The following RIPOR3 variants were observed in gnomAD, a reference collection of about 807,000 sequenced individuals.
RIPOR3 encodes the protein family with sequence similarity 65 member C.
RIPOR3 carries 95 observed loss-of-function variants against 114.3 expected under a neutral mutation model. The observed-to-expected ratio is 0.83, with a 90% CI of 0.70 to 0.99. The LOEUF is 0.99. RIPOR3 is among the 50% of genes least tolerant of loss of function. The pLI is 0.00. For missense variants in RIPOR3, 1,252 were observed against 1,266.9 expected, an observed-to-expected ratio of 0.99 and a Z score of 0.18; for synonymous variants, 575 against 543.8, an observed-to-expected ratio of 1.06 and a Z score of -0.80.
intron 1 of RIPOR3, among the ~76,000 whole-genome samples, chr20:50,671,423 C>T (rs956485706): frequency 0.018 from 358 of 20,112 alleles, 3 homozygotes; most frequent in African/African-American, 0.03. Context: ...CGTGCACGCG[C>T]GCGCGCACAC....
intron 1 of RIPOR3, among the ~76,000 whole-genome samples, chr20:50,639,465 C>T (rs11907655): frequency 1.3e-5 from 2 of 152,096 alleles, no homozygotes; most frequent in Non-Finnish European, 2.9e-5. Flanking sequence ...CACAGCTCCC[C>T]GGGGGCAGGG....
At chr20:50,619,920 AAG>A in intron 3 of RIPOR3, 64 bp downstream of exon 3, 1 of 1,557,226 alleles carries the variant, frequency 6.4e-7, no homozygotes, top group Non-Finnish European at 8.8e-7. Flanking sequence ...CTTCCCCAGG[AAG>A]AGACAGAGAG....
intron 1 of RIPOR3, among the ~76,000 whole-genome samples, chr20:50,689,519 C>T (rs779094360): frequency 5.3e-5 from 8 of 152,282 alleles, no homozygotes; most frequent in East Asian, 1.9e-4. Context: ...TACTCTCAGA[C>T]GCTTAAGTTC....
At chr20:50,673,889 C>T (rs2086604169) in intron 1 of RIPOR3, among the ~76,000 whole-genome samples, 1 of 152,154 alleles carries the variant, frequency 6.6e-6, no homozygotes, top group African/African-American at 2.4e-5. Context: ...ATAAATCACA[C>T]CTTCATGAAC....
chr20:50,620,709 G>A, intron 2 of RIPOR3: 1 of 337,938 alleles, frequency 3.0e-6, no homozygotes. Context: ...AGGATTAAAA[G>A]AAGAGTAATA....
intron 2 of RIPOR3, among the ~76,000 whole-genome samples, chr20:50,624,522 G>T (rs1053957408): frequency 6.6e-6 from 1 of 152,220 alleles, no homozygotes; most frequent in African/African-American, 2.4e-5. Context: ...CTCCTTGTGT[G>T]AGGTTTAACA....
At position 50,592,499 on chromosome 20, in the gene RIPOR3, G is replaced by A. The variant is rs771441200; in HGVS notation, c.2422C>T (p.Arg808Trp). Residue 808 changes from arginine (R) to tryptophan (W), a missense_variant, in exon 19 of 22, where the codon CGG (arginine) becomes TGG (tryptophan). Physicochemically the swap from Arg to Trp is moderately radical, Grantham distance 101 (BLOSUM62 -3). Transcript: ENST00000327979. ...CCCAGCCGCTTCCCCTGCAGCTTCCGGACCACCTTGGCCTGTCCCGCACAG... is the reference window on the plus strand; with the variant it reads ...CCCAGCCGCTTCCCCTGCAGCTTCCAGACCACCTTGGCCTGTCCCGCACAG... ...LHCAGQAKVV[R>W]KLQGKRLGQL... 7.5e-6 allele frequency: 12 copies of A among 1,610,228 alleles called. No homozygotes were observed. Among genetic ancestry groups the A allele is most frequent in the Admixed American group, 3.3e-5 (2 of 59,802 alleles).
intron 1 of RIPOR3, among the ~76,000 whole-genome samples, chr20:50,648,331 TAAA>T (rs60117235): frequency 7.3e-6 from 1 of 136,700 alleles, no homozygotes; most frequent in African/African-American, 2.7e-5. Flanking sequence ...GGGGCTGCTG[TAAA>T]AAAAAAAAAA....
rs1346058616 is a variant in RIPOR3 at position 50,609,087 on chromosome 20, C to T, written c.641-132G>A. 6 of 1,361,610 alleles carry T rather than the reference C, an allele frequency of 4.4e-6. No homozygotes were observed. The African/African-American group carries it at 5.8e-5, about 13-fold the overall frequency. 84.3% of individuals were successfully genotyped at this position (1,361,610 alleles called of 1,614,324 possible). A position where few individuals can be genotyped will look rare whatever the true frequency, so the allele number is the denominator to read the frequency against. On this transcript the variant is annotated intron_variant, in intron 8 of 21. Coordinates refer to ENST00000327979, the MANE Select transcript of RIPOR3 (RefSeq NM_001290268.2). ...GGGTGAGGATGGGGGGGAGGTACAC[C>T]ATCATGATGGAAAATGGACAGAGGG... is the stretch of plus-strand genomic sequence containing the variant.
At chr20:50,633,164 A>G (rs1382443834) in intron 1 of RIPOR3, among the ~76,000 whole-genome samples, 1 of 152,228 alleles carries the variant, frequency 6.6e-6, no homozygotes, top group Non-Finnish European at 1.5e-5. Flanking sequence ...CGGGAGGCTG[A>G]GGCAGGAGAA....
At chr20:50,617,868 T>C (rs535618778) in intron 3 of RIPOR3, among the ~76,000 whole-genome samples, 28 of 151,124 alleles carry the variant, frequency 1.9e-4, no homozygotes, top group African/African-American at 6.8e-4. Context: ...GTGATCCGCC[T>C]GCCTCCGCCT....
intron 14 of RIPOR3, 149 bp downstream of exon 14, chr20:50,597,431 G>A: frequency 9.5e-6 from 11 of 1,158,184 alleles, no homozygotes; most frequent in Non-Finnish European, 1.3e-5. Context: ...GTGCGGGGAT[G>A]GCATGGGGAA....
chr20:50,671,781 CGAAGGGATGGATGGAT>C (rs1234132071), intron 1 of RIPOR3, among the ~76,000 whole-genome samples: 4 of 144,834 alleles, frequency 2.8e-5, no homozygotes, highest in Non-Finnish European at 6.0e-5. Context: ...AATGGGTGGG[CGAAGGGATGGATGGAT>C]GGATGGATGG....
intron 1 of RIPOR3, among the ~76,000 whole-genome samples, chr20:50,639,114 T>C (rs1171372269): frequency 6.6e-6 from 1 of 152,000 alleles, no homozygotes; most frequent in Non-Finnish European, 1.5e-5. Context: ...TCGTGGTGCA[T>C]GCCTGTAATC....
intron 4 of RIPOR3, among the ~76,000 whole-genome samples, chr20:50,613,462 G>T (rs1218342469): frequency 6.6e-6 from 1 of 150,444 alleles, no homozygotes; most frequent in Non-Finnish European, 1.5e-5. Context: ...CGAAAAAAAA[G>T]AAAAGAAAAG....
chr20:50,611,050 G>T, intron 5 of RIPOR3, 131 bp downstream of exon 5: 1 of 1,541,588 alleles, frequency 6.5e-7, no homozygotes, highest in Non-Finnish European at 8.9e-7. Flanking sequence ...CAGAGACTCA[G>T]CCTTCCCATT....
At chr20:50,616,229 G>A in intron 3 of RIPOR3, 149 bp from the exon 4 acceptor site, 1 of 711,226 alleles carries the variant, frequency 1.4e-6, no homozygotes, top group Non-Finnish European at 2.4e-6. Flanking sequence ...CCCTCACACT[G>A]GGGGCTGTGT....
At chr20:50,592,947 G>T in intron 18 of RIPOR3, 88 bp downstream of exon 18, 1 of 1,495,754 alleles carries the variant, frequency 6.7e-7, no homozygotes, top group Non-Finnish European at 9.1e-7. Flanking sequence ...GATGGATGTA[G>T]TGGTTCTGAA....
At chr20:50,641,533 C>T (rs1053080511) in intron 1 of RIPOR3, among the ~76,000 whole-genome samples, 46 of 152,208 alleles carry the variant, frequency 3.0e-4, no homozygotes, top group Non-Finnish European at 1.5e-5. Context: ...CAGGTGTGAG[C>T]CCCACACCTG....
Sources: allele counts gnomAD v4.1 joint callset (sites outside exome capture counted in the v4.1 genomes callset), GRCh38; gene constraint gnomAD v4.1.1; transcripts MANE v1.5; gene names NCBI Gene and HGNC (gene_info 2026-07-23, HGNC 2026-07-21).